Variants in DPP6 observed in about 807,000 individuals in gnomAD.
The protein encoded by DPP6 is A-type potassium channel modulatory protein DPP6.
DPP6 carries 69 observed loss-of-function variants against 122.6 expected under a neutral mutation model. The observed-to-expected ratio is 0.56, with a 90% CI of 0.46 to 0.69. DPP6 has a LOEUF of 0.69. Among genes scored for constraint, DPP6 ranks in the 30% least tolerant of loss-of-function variants. The pLI is 0.00. For synonymous variants in DPP6, 418 were observed against 433.1 expected (o/e 0.97, Z 0.43); for missense variants, 928 against 1,116.9 (o/e 0.83, Z 2.41).
the DPP6 span, among the ~76,000 whole-genome samples, chr7:153,763,069 G>C: frequency 6.6e-6 from 1 of 152,172 alleles, no homozygotes; most frequent in Admixed American, 6.5e-5. Context: ...AGAAGGCGGA[G>C]AGCAGCAGAG....
intron 8 of DPP6, among the ~76,000 whole-genome samples, chr7:154,762,111 C>T (rs1795596871): frequency 6.6e-6 from 1 of 152,170 alleles, no homozygotes; most frequent in Non-Finnish European, 1.5e-5. Flanking sequence ...TTCAGTGGCT[C>T]CCACCTGGCC....
chr7:154,180,904 A>G (rs1305712642), intron 1 of DPP6, among the ~76,000 whole-genome samples: 1 of 152,206 alleles, frequency 6.6e-6, no homozygotes, highest in African/African-American at 2.4e-5. Context: ...TCAGCCATCA[A>G]TTAAATATTA....
At chr7:154,191,014 G>A (rs796225120) in intron 1 of DPP6, among the ~76,000 whole-genome samples, 1 of 152,120 alleles carries the variant, frequency 6.6e-6, no homozygotes, top group African/African-American at 2.4e-5. Flanking sequence ...GCTATTATTT[G>A]CTTAATAGCC....
rs934750708 is a variant in DPP6, at chr7:154,863,364, T to G, written c.1715-4631T>G. On this transcript the variant is annotated intron_variant, in intron 17 of 25. Transcript: ENST00000377770. The surrounding 1 kb of genome is among the most constrained non-coding windows in gnomAD (Gnocchi z 4.1). ...ATAGGATTTTTTTTTTTTTTTGAGA[T>G]GGGGGTCTTGCTCTGTCACCTAGGC... Among the ~76,000 whole-genome samples the G allele has an allele frequency of 2.0e-5, 3 of 146,642 alleles. No individual in the cohort carries two copies. Among genetic ancestry groups the G allele is most frequent in the Non-Finnish European group, 3.0e-5 (2 of 67,204 alleles).
At chr7:154,707,597 T>A (rs1394711304) in intron 7 of DPP6, among the ~76,000 whole-genome samples, 1 of 152,228 alleles carries the variant, frequency 6.6e-6, no homozygotes, top group Admixed American at 6.5e-5. Flanking sequence ...GTGTTGATGA[T>A]GATGATGCTG....
In DPP6 at chr7:154,669,395, A is replaced by G; in HGVS notation, c.716A>G (p.Asn239Ser). Reference sequence around the variant, plus strand: ...AGTCTGGACCCACCAGAAGTCAGCAATGCAAAACTTCAGTATGCAGGATGG... The same window carrying G: ...AGTCTGGACCCACCAGAAGTCAGCAGTGCAAAACTTCAGTATGCAGGATGG... ...PQSLDPPEVS[N>S]AKLQYAGWGP... The change falls in exon 7 of 26, where the codon AAT (asparagine) becomes AGT (serine). Residue 239 changes from asparagine to serine, a missense_variant. Asn to Ser is a conservative substitution (Grantham distance 46). Coordinates refer to ENST00000377770, the MANE Select transcript of DPP6 (RefSeq NM_130797.4). The G allele has an allele frequency of 6.4e-7, 1 of 1,556,920 alleles. No individual in the cohort carries two copies. Among genetic ancestry groups the G allele is most frequent in the South Asian group, 1.2e-5 (1 of 84,268 alleles).
At chr7:154,301,611 T>C (rs868790122) in intron 1 of DPP6, among the ~76,000 whole-genome samples, 2 of 152,062 alleles carry the variant, frequency 1.3e-5, no homozygotes, top group Admixed American at 6.6e-5. Flanking sequence ...AGTTTTGATC[T>C]CCAATGAAAG....
chr7:154,884,477 T>A (rs909705253), intron 21 of DPP6: 4 of 129,290 alleles, frequency 3.1e-5, no homozygotes, highest in African/African-American at 1.2e-4. Context: ...ATACACATGC[T>A]GACACATGCT....
At chr7:154,090,801 T>C (rs1028851067) in intron 1 of DPP6, among the ~76,000 whole-genome samples, 1 of 150,008 alleles carries the variant, frequency 6.7e-6, no homozygotes, top group Non-Finnish European at 1.5e-5. Context: ...CCTGGAGCCA[T>C]AAATAGTTTG....
At chr7:154,090,487 A>G (rs1255379512) in intron 1 of DPP6, among the ~76,000 whole-genome samples, 1 of 152,206 alleles carries the variant, frequency 6.6e-6, no homozygotes, top group East Asian at 1.9e-4. Flanking sequence ...TTGTATTCCC[A>G]TCCGTAACAG....
At chr7:154,102,425 G>A (rs1279666538) in intron 1 of DPP6, among the ~76,000 whole-genome samples, 2 of 152,100 alleles carry the variant, frequency 1.3e-5, no homozygotes, top group Non-Finnish European at 2.9e-5. Context: ...CTGACCTCAG[G>A]TAATCCGCCC....
intron 7 of DPP6, among the ~76,000 whole-genome samples, chr7:154,698,505 A>C (rs6597410): frequency 0.19 from 29,164 of 152,152 alleles, 3,917 homozygotes; most frequent in African/African-American, 0.38. Context: ...TTTAAAGAGA[A>C]CTTGCTAAGG....
At chr7:154,311,872 G>A (rs1806926454) in intron 1 of DPP6, among the ~76,000 whole-genome samples, 1 of 152,092 alleles carries the variant, frequency 6.6e-6, no homozygotes, top group African/African-American at 2.4e-5. Context: ...AAATGACTGA[G>A]ACAAATCCAT....
chr7:154,470,730 C>A (rs2151336839), intron 2 of DPP6, among the ~76,000 whole-genome samples: 1 of 152,186 alleles, frequency 6.6e-6, no homozygotes, highest in East Asian at 1.9e-4. Context: ...ATTTGAAGTG[C>A]CATGGAGTTT....
chr7:154,830,575 A>G (rs1800553327), intron 16 of DPP6, among the ~76,000 whole-genome samples: 2 of 152,230 alleles, frequency 1.3e-5, no homozygotes, highest in South Asian at 4.1e-4. Flanking sequence ...TTCTTGAAGA[A>G]AAGGAAGTTT....
At chr7:154,752,126 C>G in intron 8 of DPP6, among the ~76,000 whole-genome samples, 1 of 152,128 alleles carries the variant, frequency 6.6e-6, no homozygotes. Flanking sequence ...TATGTAAAGA[C>G]TGAACTAAGC....
upstream of DPP6, among the ~76,000 whole-genome samples, chr7:154,049,602 A>G (rs1800193327): frequency 1.4e-5 from 2 of 143,292 alleles, no homozygotes; most frequent in Admixed American, 7.0e-5. Flanking sequence ...TTATTTATTT[A>G]TTTAGAGATG....
intron 1 of DPP6, among the ~76,000 whole-genome samples, chr7:153,997,827 C>T (rs894148372): frequency 4.6e-5 from 7 of 151,010 alleles, no homozygotes; most frequent in Non-Finnish European, 7.4e-5. Context: ...GTTCATGCCA[C>T]CTACATTTTA....
chr7:154,414,776 T>C (rs1816881620), intron 1 of DPP6, among the ~76,000 whole-genome samples: 1 of 152,174 alleles, frequency 6.6e-6, no homozygotes, highest in Non-Finnish European at 1.5e-5. Flanking sequence ...CTTGTGTGGC[T>C]GTCAAGTTAG....
Sources: allele counts gnomAD v4.1 joint callset (sites outside exome capture counted in the v4.1 genomes callset), GRCh38; gene constraint gnomAD v4.1.1; non-coding constraint Gnocchi (gnomAD v3.1); transcripts MANE v1.5; gene names NCBI Gene and HGNC (gene_info 2026-07-23, HGNC 2026-07-21).